The following SLC24A3 variants were observed in gnomAD, a reference collection of about 807,000 sequenced individuals.
SLC24A3 encodes sodium/potassium/calcium exchanger 3.
A neutral mutation model predicts 75.8 loss-of-function variants in SLC24A3; 28 were observed. The observed-to-expected ratio is 0.37, with a 90% confidence interval of 0.27 to 0.51. The LOEUF is 0.51. SLC24A3 is among the 20% of genes least tolerant of loss of function. The probability of loss-of-function intolerance (pLI) is 0.94; values close to 1 mark genes in which losing one functional copy is unlikely to be tolerated. For missense variants in SLC24A3, 663 were observed against 847.8 expected, an observed-to-expected ratio of 0.78 and a Z score of 2.71; for synonymous variants, 372 against 334.1, an observed-to-expected ratio of 1.11 and a Z score of -1.24.
chr20:19,374,479 A>G (rs896574597), intron 2 of SLC24A3, among the ~76,000 whole-genome samples: 1 of 152,214 alleles, frequency 6.6e-6, no homozygotes, highest in Non-Finnish European at 1.5e-5. Context: ...ATTATAAGAC[A>G]TGGGGAGACT....
At chr20:19,611,460 A>G (rs907329064) in intron 6 of SLC24A3, among the ~76,000 whole-genome samples, 3 of 152,314 alleles carry the variant, frequency 2.0e-5, no homozygotes, top group East Asian at 1.9e-4. Context: ...TAGCCCATAC[A>G]TGATTGTCTT....
intron 2 of SLC24A3, among the ~76,000 whole-genome samples, chr20:19,348,714 G>T (rs1025212560): frequency 6.6e-6 from 1 of 152,120 alleles, no homozygotes; most frequent in Non-Finnish European, 1.5e-5. Context: ...CTGACCGCCT[G>T]TGTCACCTTA....
At chr20:19,343,069 CAAAAAAA>C (rs5840837) in intron 2 of SLC24A3, among the ~76,000 whole-genome samples, 1 of 73,768 alleles carries the variant, frequency 1.4e-5, no homozygotes, top group Non-Finnish European at 2.4e-5. Context: ...GACTCCATCT[CAAAAAAA>C]AAAAAAAAGA....
intron 3 of SLC24A3, among the ~76,000 whole-genome samples, chr20:19,519,016 G>A (rs1333054462): frequency 6.6e-6 from 1 of 152,186 alleles, no homozygotes; most frequent in Non-Finnish European, 1.5e-5. Flanking sequence ...CCAGAGGGGT[G>A]TCCTGCCACC....
intron 2 of SLC24A3, among the ~76,000 whole-genome samples, chr20:19,307,284 ATGGTCAC>A (rs1984355226): frequency 6.6e-6 from 1 of 152,156 alleles, no homozygotes; most frequent in African/African-American, 2.4e-5. Context: ...TGCTCAATCA[ATGGTCAC>A]CCCCCTTTGA....
At chr20:19,580,950 A>T (rs143763868) in intron 4 of SLC24A3, among the ~76,000 whole-genome samples, 1 of 152,042 alleles carries the variant, frequency 6.6e-6, no homozygotes, top group African/African-American at 2.4e-5. Flanking sequence ...AGGGGGTAGA[A>T]TTTGCATTTC....
At chr20:19,276,263 G>C (rs1983483875) in intron 1 of SLC24A3, among the ~76,000 whole-genome samples, 2 of 152,182 alleles carry the variant, frequency 1.3e-5, no homozygotes, top group Non-Finnish European at 2.9e-5. Flanking sequence ...ATCACACTGA[G>C]CAGAGTGAGT....
At chr20:19,241,550 T>C (rs558766056) in intron 1 of SLC24A3, among the ~76,000 whole-genome samples, 6 of 152,310 alleles carry the variant, frequency 3.9e-5, no homozygotes, top group African/African-American at 1.4e-4. Context: ...CTCTGCCAGG[T>C]CTGAATTCTT....
intron 6 of SLC24A3, among the ~76,000 whole-genome samples, chr20:19,613,450 C>T (rs2031697542): frequency 6.6e-6 from 1 of 152,132 alleles, no homozygotes; most frequent in Non-Finnish European, 1.5e-5. Context: ...TTAAAGAGTT[C>T]TTTTCTAAAG....
intron 2 of SLC24A3, among the ~76,000 whole-genome samples, chr20:19,330,390 G>T (rs575470789): frequency 6.6e-6 from 1 of 152,266 alleles, no homozygotes; most frequent in Admixed American, 6.5e-5. Context: ...CATTAAAGGG[G>T]AAAAAGGGCA....
At chr20:19,716,175 T>A (rs1466810717) in intron 15 of SLC24A3, among the ~76,000 whole-genome samples, 1 of 152,130 alleles carries the variant, frequency 6.6e-6, no homozygotes, top group Non-Finnish European at 1.5e-5. Flanking sequence ...CTGCCGCTGC[T>A]GGCCCCAAAA....
Position 19,618,235 on chromosome 20 carries a change from T to C in SLC24A3, c.612+32691T>C, listed in dbSNP as rs2031761926. Among the ~76,000 whole-genome samples the C allele has an allele frequency of 2.0e-5, 3 of 152,328 alleles. No homozygotes were observed. In the South Asian group the frequency reaches 6.2e-4, roughly 32 times the overall value. On this transcript the variant is annotated intron_variant, in intron 6 of 16. Transcript: ENST00000328041. ...TTCCAACTTCATTGCTTTGTTAGTC[T>C]ACTTGGGCTGCCATAGCAAAGCACA...
At chr20:19,456,762 A>G (rs1987585007) in intron 2 of SLC24A3, among the ~76,000 whole-genome samples, 2 of 152,214 alleles carry the variant, frequency 1.3e-5, no homozygotes, top group South Asian at 4.1e-4. Flanking sequence ...ACAGGCTAAC[A>G]GGGCAAGGAA....
rs78983218 is a variant in SLC24A3 at position 19,580,511 on chromosome 20, C to G, written c.423+437C>G. Among the ~76,000 whole-genome samples the G allele has an allele frequency of 4.6e-5, 7 of 152,070 alleles. No individual in the cohort carries two copies. The South Asian group carries it at 1.5e-3, about 32-fold the overall frequency. The stretch of plus-strand genomic sequence containing the variant: ...CCTCCAACCGCATACCTCTGCCATG[C>G]TTCCTCTCTCTGTATATGTACAGAA... On this transcript the variant is annotated intron_variant, in intron 4 of 16. Coordinates refer to ENST00000328041, the MANE Select transcript of SLC24A3 (RefSeq NM_020689.4).
intron 1 of SLC24A3, among the ~76,000 whole-genome samples, chr20:19,275,803 G>T (rs1449092123): frequency 2.0e-5 from 3 of 151,992 alleles, no homozygotes; most frequent in Non-Finnish European, 2.9e-5. Flanking sequence ...CCAACATCCC[G>T]TGCTATCCCC....
chr20:19,482,621 T>C (rs1480958750), intron 2 of SLC24A3, among the ~76,000 whole-genome samples: 1 of 152,256 alleles, frequency 6.6e-6, no homozygotes, highest in East Asian at 1.9e-4. Context: ...CAGGAAATTT[T>C]ATTTGAATAA....
At chr20:19,635,061 A>T (rs939880168) in intron 6 of SLC24A3, among the ~76,000 whole-genome samples, 1 of 152,190 alleles carries the variant, frequency 6.6e-6, no homozygotes, top group African/African-American at 2.4e-5. Context: ...TGTAAAATGT[A>T]CCCAACTTGA....
At chr20:19,649,218 T>C (rs2032172420) in intron 6 of SLC24A3, among the ~76,000 whole-genome samples, 1 of 152,230 alleles carries the variant, frequency 6.6e-6, no homozygotes, top group Non-Finnish European at 1.5e-5. Flanking sequence ...AGGAAATGTG[T>C]TCAGGGCTGA....
chr20:19,640,052 G>C (rs2032057104), intron 6 of SLC24A3, among the ~76,000 whole-genome samples: 1 of 152,242 alleles, frequency 6.6e-6, no homozygotes. Context: ...GAGCCTGCTG[G>C]GGCCTTGATC....
Sources: allele counts gnomAD v4.1 joint callset (sites outside exome capture counted in the v4.1 genomes callset), GRCh38; gene constraint gnomAD v4.1.1; transcripts MANE v1.5; gene names NCBI Gene and HGNC (gene_info 2026-07-23, HGNC 2026-07-21).